Variants in SIL1 observed in about 807,000 individuals in gnomAD.
The protein encoded by SIL1 is nucleotide exchange factor SIL1.
Under a neutral mutation model 49.1 loss-of-function variants are expected in SIL1, and 40 were observed. The ratio of observed to expected loss-of-function variants is 0.81; its 90% CI spans 0.63 to 1.06. The LOEUF (loss-of-function observed/expected upper bound fraction) is 1.06, where lower values mean the gene tolerates loss of function less well. Ranked by LOEUF, SIL1 falls within the 50% of genes least tolerant of loss-of-function variation. SIL1 has a pLI of 0.00. For synonymous variants in SIL1, 253 were observed against 250.8 expected, an observed-to-expected ratio of 1.01 and a Z score of -0.08; for missense variants, 500 against 572.6, an observed-to-expected ratio of 0.87 and a Z score of 1.29.
chr5:139,135,131 G>A (rs1384893164), intron 1 of SIL1, among the ~76,000 whole-genome samples: 3 of 152,208 alleles, frequency 2.0e-5, no homozygotes, highest in East Asian at 3.8e-4. Flanking sequence ...AAAGTCAAGA[G>A]GCAGACAGCA....
Position 138,948,638 on chromosome 5 carries a change from T to A in SIL1, c.1030-1165A>T, listed in dbSNP as rs1167005734. Among the ~76,000 whole-genome samples the A allele has an allele frequency of 3.8e-3, 1 of 266 alleles. No homozygotes were observed. The highest frequency in any genetic ancestry group is 7.4e-3 in the Non-Finnish European group (1 of 136). The allele number at this position is 266 out of a possible 152,430, so 0.2% of individuals were successfully genotyped here. A position where few individuals can be genotyped will look rare whatever the true frequency, so the allele number is the denominator to read the frequency against. ...CCGACTTCCAGGTGCACCCCCGCAT[T>A]GGCCCCATTCACTCCACGGCTCCCT... On this transcript the variant is annotated intron_variant, in intron 9 of 9. Coordinates refer to ENST00000394817, the MANE Select transcript of SIL1 (RefSeq NM_022464.5). This position sits in a 1 kb window ranked among gnomAD's most constrained non-coding sequence, Gnocchi z 4.8.
In SIL1 at chr5:139,189,279, A is replaced by C. The variant is rs552518363; in HGVS notation, c.-11+8990T>G. 4.6e-5 allele frequency among the ~76,000 whole-genome samples: 7 copies of C among 152,332 alleles called. No homozygotes were observed. The East Asian group carries it at 1.3e-3, about 29-fold the overall frequency. On this transcript the variant is annotated intron_variant, in intron 1 of 9. Coordinates refer to ENST00000394817, the MANE Select transcript of SIL1 (RefSeq NM_022464.5). ...TTTACAGCTGCTCCCCAACGCTTGC[A>C]TTAACGCCTGAGCACCGCCTCCTGT...
At chr5:139,128,007 C>A (rs753522887) in intron 1 of SIL1, 154 bp from the exon 2 acceptor site, 23 of 662,254 alleles carry the variant, frequency 3.5e-5, no homozygotes, top group Non-Finnish European at 6.5e-5. Context: ...AATTCTGAAG[C>A]CTCCATCTAC....
At chr5:139,068,605 T>C (rs1193075908) in intron 3 of SIL1, among the ~76,000 whole-genome samples, 1 of 131,872 alleles carries the variant, frequency 7.6e-6, no homozygotes, top group Non-Finnish European at 1.6e-5. Context: ...GAACACTACC[T>C]GAAAACAAGA....
chr5:138,953,295 G>A (rs1766826082), intron 7 of SIL1: 1 of 152,314 alleles, frequency 6.6e-6, no homozygotes. Context: ...CTGGCTCCTG[G>A]TCCTAAACCC....
intron 3 of SIL1, among the ~76,000 whole-genome samples, chr5:139,093,303 T>C (rs1770384072): frequency 6.6e-6 from 1 of 152,204 alleles, no homozygotes; most frequent in Non-Finnish European, 1.5e-5. Context: ...ATCTATGCTC[T>C]TTAGAAATTA....
rs1766692711 is a variant in SIL1, at chr5:138,948,704, T to G, written c.1030-1231A>C. ...ACTGACCGGCCTCCCCTGACTGGCC[T>G]TCTCTGCTTATATGCTGCTGTGGTT... On this transcript the variant is annotated intron_variant, in intron 9 of 9. Coordinates refer to ENST00000394817, the MANE Select transcript of SIL1 (RefSeq NM_022464.5). This position sits in a 1 kb window ranked among gnomAD's most constrained non-coding sequence, Gnocchi z 4.8. Among the ~76,000 whole-genome samples the G allele has an allele frequency of 6.6e-6, 1 of 152,168 alleles. No individual in the cohort carries two copies.
rs1016026305 is a variant in SIL1, at chr5:138,951,856, C to T, written c.796G>A (p.Glu266Lys). 1.1e-5 allele frequency: 18 copies of T among 1,613,892 alleles called. No homozygotes were observed. The highest frequency in any genetic ancestry group is 3.3e-4 in the Middle Eastern group (2 of 6,084). The change falls in exon 8 of 10, where the codon GAA (glutamate) becomes AAA (lysine). Residue 266 changes from glutamate to lysine, a missense_variant. Glu to Lys is a moderately conservative substitution (Grantham distance 56). Coordinates refer to ENST00000394817, the MANE Select transcript of SIL1 (RefSeq NM_022464.5). Reference protein sequence around the residue: ...SNPKVQVEAIEGGALQKLLVI... With the variant: ...SNPKVQVEAIKGGALQKLLVI... ...AGCAGCTTCTGCAGGGCTCCCCCTT[C>T]GATGGCCTCCACCTGGACCTTGGGG...
At chr5:139,135,114 T>C (rs891791710) in intron 1 of SIL1, among the ~76,000 whole-genome samples, 2 of 152,146 alleles carry the variant, frequency 1.3e-5, no homozygotes, top group Non-Finnish European at 2.9e-5. Context: ...GAGACAATAC[T>C]AAACAGAAAG....
chr5:139,192,898 G>GC (rs1752199562), intron 1 of SIL1, among the ~76,000 whole-genome samples: 1 of 149,344 alleles, frequency 6.7e-6, no homozygotes, highest in Admixed American at 6.7e-5. Context: ...TCAGGAGGCT[G>GC]AGGCAGGAGA....
intron 3 of SIL1, among the ~76,000 whole-genome samples, chr5:139,063,645 A>G (rs1289555480): frequency 3.9e-5 from 6 of 152,224 alleles, no homozygotes; most frequent in Admixed American, 3.3e-4. Flanking sequence ...ACTTCATAAT[A>G]AGGAGGGAAA....
chr5:138,963,725 G>T (rs1414212555), intron 7 of SIL1, among the ~76,000 whole-genome samples: 1 of 152,258 alleles, frequency 6.6e-6, no homozygotes, highest in East Asian at 1.9e-4. Context: ...TATTTGGAAA[G>T]ATCTTTAAGA....
At chr5:138,958,170 C>T (rs1217969968) in intron 7 of SIL1, among the ~76,000 whole-genome samples, 2 of 152,214 alleles carry the variant, frequency 1.3e-5, no homozygotes, top group African/African-American at 4.8e-5. Flanking sequence ...GGAACTGTCC[C>T]TTAGTCTTGT....
At chr5:139,049,127 T>A (rs561178200) in intron 4 of SIL1, among the ~76,000 whole-genome samples, 9 of 152,150 alleles carry the variant, frequency 5.9e-5, no homozygotes, top group African/African-American at 2.2e-4. Context: ...AAGAAGTGAG[T>A]CTCTAGGACC....
At chr5:138,966,651 T>C (rs745709855) in intron 7 of SIL1, among the ~76,000 whole-genome samples, 16 of 152,072 alleles carry the variant, frequency 1.1e-4, no homozygotes, top group African/African-American at 7.2e-5. Context: ...CAGCCCCTCA[T>C]CGCCATGAGA....
At chr5:138,996,778 A>G (rs1451997742) in intron 7 of SIL1, among the ~76,000 whole-genome samples, 1 of 151,964 alleles carries the variant, frequency 6.6e-6, no homozygotes, top group Non-Finnish European at 1.5e-5. Flanking sequence ...TCGACCTCCC[A>G]AAGTGCTGGG....
At chr5:138,956,641 G>A (rs1471594221) in intron 7 of SIL1, among the ~76,000 whole-genome samples, 3 of 151,848 alleles carry the variant, frequency 2.0e-5, no homozygotes, top group African/African-American at 4.8e-5. Flanking sequence ...TACTCGGGAG[G>A]CTAAGGCAGG....
chr5:139,121,898 T>C (rs1188003572), intron 2 of SIL1, among the ~76,000 whole-genome samples: 1 of 152,232 alleles, frequency 6.6e-6, no homozygotes, highest in African/African-American at 2.4e-5. Context: ...GAGACAGCGA[T>C]GCAAGATAAA....
chr5:139,004,283 G>A (rs946756102), intron 7 of SIL1, among the ~76,000 whole-genome samples: 1 of 152,138 alleles, frequency 6.6e-6, no homozygotes, highest in African/African-American at 2.4e-5. Flanking sequence ...TTACAGGTGT[G>A]AGCCACTGTA....
Sources: allele counts gnomAD v4.1 joint callset (sites outside exome capture counted in the v4.1 genomes callset), GRCh38; gene constraint gnomAD v4.1.1; non-coding constraint Gnocchi (gnomAD v3.1); transcripts MANE v1.5; gene names NCBI Gene and HGNC (gene_info 2026-07-23, HGNC 2026-07-21).